The following SAMD4A variants were observed in gnomAD, a reference collection of about 807,000 sequenced individuals.
SAMD4A encodes sterile alpha motif domain containing 4A, also known as protein Smaug homolog 1.
In SAMD4A, 33 loss-of-function variants were observed where a neutral mutation model predicts 81.3. The observed-to-expected ratio is 0.41, with a 90% CI of 0.31 to 0.54. The LOEUF is 0.54. Among genes scored for constraint, SAMD4A ranks in the 20% least tolerant of loss-of-function variants. SAMD4A has a pLI of 0.37. For missense variants in SAMD4A, 854 were observed against 951.1 expected (o/e 0.90, Z 1.34); for synonymous variants, 389 against 382.1 (o/e 1.02, Z -0.21).
intron 2 of SAMD4A, among the ~76,000 whole-genome samples, chr14:54,647,154 ATTTAAG>A (rs2035303799): frequency 6.6e-6 from 1 of 152,204 alleles, no homozygotes; most frequent in South Asian, 2.1e-4. Flanking sequence ...CACAAGTATT[ATTTAAG>A]TTTATCTTGT....
chr14:54,657,389 T>C (rs2035543953), intron 2 of SAMD4A, among the ~76,000 whole-genome samples: 1 of 152,240 alleles, frequency 6.6e-6, no homozygotes, highest in Admixed American at 6.5e-5. Flanking sequence ...TGTTTATTCC[T>C]TGACTCCTAT....
At chr14:54,784,733 G>A in intron 12 of SAMD4A, 113 bp downstream of exon 12, 1 of 956,994 alleles carries the variant, frequency 1.0e-6, no homozygotes, top group Non-Finnish European at 1.7e-6. Flanking sequence ...GGGAGGACAA[G>A]GAGGGGTAGG....
intron 2 of SAMD4A, among the ~76,000 whole-genome samples, chr14:54,621,667 C>G (rs775811880): frequency 4.6e-5 from 7 of 152,114 alleles, no homozygotes; most frequent in African/African-American, 4.8e-5. Context: ...CAGCTCAAAA[C>G]GCATTTTTGA....
intron 2 of SAMD4A, among the ~76,000 whole-genome samples, chr14:54,595,541 C>A (rs1274392962): frequency 1.3e-5 from 2 of 151,602 alleles, no homozygotes; most frequent in African/African-American, 4.8e-5. Flanking sequence ...CTCCTAACTA[C>A]AATACAAGGA....
At chr14:54,605,361 A>G (rs942251809) in intron 2 of SAMD4A, among the ~76,000 whole-genome samples, 1 of 152,180 alleles carries the variant, frequency 6.6e-6, no homozygotes, top group African/African-American at 2.4e-5. Flanking sequence ...TCCTGGGTGC[A>G]TGATTGGGGC....
chr14:54,724,536 C>A (rs2037363505), intron 3 of SAMD4A, among the ~76,000 whole-genome samples: 1 of 152,200 alleles, frequency 6.6e-6, no homozygotes, highest in African/African-American at 2.4e-5. Context: ...TGTGTGCACT[C>A]TCCTGCGGCC....
Position 54,779,278 on chromosome 14 carries a change from T to G in SAMD4A, c.2044+2738T>G, listed in dbSNP as rs1227755893. Among the ~76,000 whole-genome samples, 3 of 152,244 alleles carry G rather than the reference T, an allele frequency of 2.0e-5. No individual in the cohort carries two copies. In the East Asian group the frequency reaches 5.8e-4, roughly 29 times the overall value. On this transcript the variant is annotated intron_variant, in intron 11 of 12. Transcript: ENST00000554335. ...AGGAAGTCAGAAAGTGGCTTTCATC[T>G]GTACATGAACAGGAGTAATAGTGAA...
Position 54,572,135 on chromosome 14 carries a change from A to G in SAMD4A, c.196+4023A>G, listed in dbSNP as rs368221093. 1.3e-3 allele frequency among the ~76,000 whole-genome samples: 198 copies of G among 152,326 alleles called. 1 individual carries two copies. Among genetic ancestry groups the G allele is most frequent in the African/African-American group, 4.7e-3 (194 of 41,570 alleles). On this transcript the variant is annotated intron_variant, in intron 2 of 12. Coordinates refer to ENST00000554335, the MANE Select transcript of SAMD4A (RefSeq NM_015589.6). ...GGAAATGTAAAGGTAACTTAACTCT[A>G]GTCCAGTGCCTAGTACAGATAGATA...
intron 2 of SAMD4A, among the ~76,000 whole-genome samples, chr14:54,701,621 T>C (rs761485876): frequency 6.6e-6 from 1 of 152,214 alleles, no homozygotes; most frequent in East Asian, 1.9e-4. Context: ...TAAATCACTT[T>C]CAACAGATGT....
chr14:54,639,364 C>A (rs746166952), intron 2 of SAMD4A, among the ~76,000 whole-genome samples: 1 of 152,204 alleles, frequency 6.6e-6, no homozygotes, highest in South Asian at 2.1e-4. Flanking sequence ...AGTTTCTCAG[C>A]GTCTCTGTTT....
At chr14:54,663,534 C>A (rs954336201) in intron 2 of SAMD4A, among the ~76,000 whole-genome samples, 2 of 152,184 alleles carry the variant, frequency 1.3e-5, no homozygotes, top group Non-Finnish European at 2.9e-5. Context: ...CTCTACTTAG[C>A]TTGACTACTT....
chr14:54,747,887 TCTGA>T (rs780887940), intron 4 of SAMD4A, among the ~76,000 whole-genome samples: 6 of 152,228 alleles, frequency 3.9e-5, no homozygotes, highest in African/African-American at 7.2e-5. Context: ...GCTCACAAAC[TCTGA>T]CTGAAAGAAT....
intron 2 of SAMD4A, among the ~76,000 whole-genome samples, chr14:54,584,006 G>A (rs2033547413): frequency 6.6e-6 from 1 of 152,156 alleles, no homozygotes; most frequent in African/African-American, 2.4e-5. Context: ...CTTCTAAAAT[G>A]CAGGTGTAGA....
At chr14:54,597,276 T>G (rs1372714643) in intron 2 of SAMD4A, among the ~76,000 whole-genome samples, 1 of 151,782 alleles carries the variant, frequency 6.6e-6, no homozygotes, top group South Asian at 2.1e-4. Flanking sequence ...TTTTCTTTTC[T>G]TTTTTCTTTT....
chr14:54,681,225 T>G (rs1451568126), intron 2 of SAMD4A, among the ~76,000 whole-genome samples: 3 of 128,150 alleles, frequency 2.3e-5, no homozygotes, highest in Non-Finnish European at 4.7e-5. Flanking sequence ...TTCACCACGA[T>G]GAGCCTCAGT....
intron 4 of SAMD4A, among the ~76,000 whole-genome samples, chr14:54,742,093 G>C (rs568644723): frequency 1.1e-4 from 16 of 152,220 alleles, no homozygotes; most frequent in African/African-American, 2.6e-4. Context: ...AAGGCCAGCA[G>C]AGAGGTGGAG....
intron 4 of SAMD4A, among the ~76,000 whole-genome samples, chr14:54,742,438 C>T (rs764970922): frequency 6.6e-6 from 1 of 152,204 alleles, no homozygotes; most frequent in Non-Finnish European, 1.5e-5. Flanking sequence ...GCACCATGCT[C>T]TTGGCTGACC....
At chr14:54,672,857 A>G (rs1028014593) in intron 2 of SAMD4A, among the ~76,000 whole-genome samples, 3 of 152,208 alleles carry the variant, frequency 2.0e-5, no homozygotes, top group Admixed American at 2.0e-4. Context: ...TTGCTCTGAA[A>G]CCAGCTATGC....
At chr14:54,611,656 G>T (rs1197098338) in intron 2 of SAMD4A, among the ~76,000 whole-genome samples, 4 of 152,082 alleles carry the variant, frequency 2.6e-5, no homozygotes, top group Admixed American at 6.5e-5. Context: ...GTGGGCAGAT[G>T]ACTTGAGGTC....
Sources: allele counts gnomAD v4.1 joint callset (sites outside exome capture counted in the v4.1 genomes callset), GRCh38; gene constraint gnomAD v4.1.1; transcripts MANE v1.5; gene names NCBI Gene and HGNC (gene_info 2026-07-23, HGNC 2026-07-21).